The following PRKG1 variants were observed in gnomAD, a reference collection of about 807,000 sequenced individuals.
PRKG1 encodes the protein cGMP-dependent protein kinase 1.
A neutral mutation model predicts 88.1 loss-of-function variants in PRKG1; 35 were observed. That is an observed-to-expected ratio of 0.40 (90% CI 0.30 to 0.53). The LOEUF is 0.53. PRKG1 is among the 20% of genes least tolerant of loss of function. PRKG1 has a pLI of 0.59. For missense variants in PRKG1, 540 were observed against 839.8 expected, an observed-to-expected ratio of 0.64 and a Z score of 4.41; for synonymous variants, 303 against 292.5, an observed-to-expected ratio of 1.04 and a Z score of -0.37.
At chr10:51,048,424 T>A (rs1286566206) in intron 1 of PRKG1, among the ~76,000 whole-genome samples, 4 of 152,168 alleles carry the variant, frequency 2.6e-5, no homozygotes, top group Non-Finnish European at 5.9e-5. Flanking sequence ...ATAACAATAA[T>A]AAAGTAACCC....
At chr10:51,179,167 AAATACTAAG>A (rs1332670318) in intron 2 of PRKG1, among the ~76,000 whole-genome samples, 5 of 152,218 alleles carry the variant, frequency 3.3e-5, no homozygotes, top group African/African-American at 7.2e-5. Flanking sequence ...ACTCAGTTGT[AAATACTAAG>A]AGGCTACTAT....
chr10:51,196,780 G>A (rs1429551402), intron 2 of PRKG1, among the ~76,000 whole-genome samples: 2 of 152,078 alleles, frequency 1.3e-5, no homozygotes, highest in Admixed American at 6.5e-5. Flanking sequence ...TATATTTTTT[G>A]TACTCTTAAA....
At chr10:51,066,687 A>C (rs367834323) in intron 1 of PRKG1, among the ~76,000 whole-genome samples, 1 of 152,132 alleles carries the variant, frequency 6.6e-6, no homozygotes. Flanking sequence ...TACAGTATGT[A>C]ATATTTTATG....
intron 5 of PRKG1, among the ~76,000 whole-genome samples, chr10:51,943,017 G>T (rs575215754): frequency 6.6e-6 from 1 of 152,060 alleles, no homozygotes; most frequent in South Asian, 2.1e-4. Flanking sequence ...GATGGGGATG[G>T]CATTGAATCT....
At chr10:52,255,744 A>G (rs2132407883) in intron 10 of PRKG1, among the ~76,000 whole-genome samples, 1 of 152,164 alleles carries the variant, frequency 6.6e-6, no homozygotes, top group Non-Finnish European at 1.5e-5. Flanking sequence ...CTTGCAGGAG[A>G]TAGCATTTCT....
At position 52,031,592 on chromosome 10, in the gene PRKG1, A is replaced by C. The variant is rs535380010; in HGVS notation, c.763-22892A>C. ...AATATTAGTGTTTTTAAAATAGTGC[A>C]AAACAAGCAGTATTTTAATGTAAAT... On this transcript the variant is annotated intron_variant, in intron 5 of 17. Transcript: ENST00000373980. Among the ~76,000 whole-genome samples, 10 of 152,342 alleles carry C rather than the reference A, an allele frequency of 6.6e-5. No homozygotes were observed. The East Asian group carries it at 1.9e-3, about 29-fold the overall frequency.
At chr10:51,868,090 A>G (rs1488920837) in intron 4 of PRKG1, among the ~76,000 whole-genome samples, 1 of 152,134 alleles carries the variant, frequency 6.6e-6, no homozygotes, top group East Asian at 1.9e-4. Context: ...GAGAATGTCT[A>G]TCAGCTGAAT....
chr10:51,045,386 A>T (rs1163178255), intron 1 of PRKG1, among the ~76,000 whole-genome samples: 1 of 151,910 alleles, frequency 6.6e-6, no homozygotes, highest in Admixed American at 6.6e-5. Context: ...CAGTGGTGCG[A>T]TCTTGGCTCA....
At chr10:51,164,733 G>T (rs902359523) in intron 2 of PRKG1, among the ~76,000 whole-genome samples, 2 of 152,052 alleles carry the variant, frequency 1.3e-5, no homozygotes, top group African/African-American at 4.8e-5. Flanking sequence ...GCCAAGGCTC[G>T]AGAACTATGT....
intron 2 of PRKG1, among the ~76,000 whole-genome samples, chr10:51,346,703 C>G (rs1354072233): frequency 6.6e-6 from 1 of 152,194 alleles, no homozygotes; most frequent in Non-Finnish European, 1.5e-5. Context: ...ACTGACATTT[C>G]CTTCATGAGT....
chr10:52,097,741 TG>T (rs1353934249), intron 7 of PRKG1, among the ~76,000 whole-genome samples: 1 of 141,158 alleles, frequency 7.1e-6, no homozygotes, highest in African/African-American at 2.6e-5. Context: ...TTGCGAATGG[TG>T]TGGTGATTTT....
chr10:51,757,276 G>A (rs1371853495), intron 3 of PRKG1, among the ~76,000 whole-genome samples: 1 of 151,832 alleles, frequency 6.6e-6, no homozygotes, highest in Non-Finnish European at 1.5e-5. Context: ...TAATTTTTTT[G>A]TATTTTTAGT....
At chr10:51,758,600 A>G (rs1369358634) in intron 3 of PRKG1, among the ~76,000 whole-genome samples, 5 of 152,146 alleles carry the variant, frequency 3.3e-5, no homozygotes, top group African/African-American at 1.2e-4. Context: ...TCCAGGTGAC[A>G]TCATCACATA....
chr10:51,391,220 C>G (rs1588907141), intron 2 of PRKG1, among the ~76,000 whole-genome samples: 1 of 152,288 alleles, frequency 6.6e-6, no homozygotes, highest in Middle Eastern at 3.4e-3. Context: ...TAGTTAATTA[C>G]TAGAATGAAT....
chr10:51,332,049 T>C (rs1841754496), intron 2 of PRKG1, among the ~76,000 whole-genome samples: 1 of 152,208 alleles, frequency 6.6e-6, no homozygotes, highest in South Asian at 2.1e-4. Flanking sequence ...TCTTTTGACA[T>C]GAAATCTTAA....
At chr10:51,547,874 C>T (rs1998841) in intron 3 of PRKG1, among the ~76,000 whole-genome samples, 140,890 of 152,160 alleles carry the variant, frequency 0.93, 65,314 homozygotes, top group East Asian at 1. Context: ...TTCCCTATTA[C>T]GACAAAAAGC....
At chr10:52,068,074 G>A (rs1373179872) in intron 7 of PRKG1, among the ~76,000 whole-genome samples, 1 of 139,086 alleles carries the variant, frequency 7.2e-6, no homozygotes, top group African/African-American at 2.5e-5. Flanking sequence ...ATGGTGGCGC[G>A]TGCCTGTAGT....
chr10:52,133,678 A>T (rs1837326238), intron 7 of PRKG1, among the ~76,000 whole-genome samples, 162 bp from the exon 8 acceptor site: 1 of 152,134 alleles, frequency 6.6e-6, no homozygotes, highest in Non-Finnish European at 1.5e-5. Context: ...GGGTAAGATG[A>T]TTCCTCAAAA....
At chr10:51,197,112 A>G (rs538043404) in intron 2 of PRKG1, among the ~76,000 whole-genome samples, 1 of 152,186 alleles carries the variant, frequency 6.6e-6, no homozygotes, top group Admixed American at 6.6e-5. Context: ...TAAGTGACTT[A>G]CCCATTTATA....
Sources: allele counts gnomAD v4.1 joint callset (sites outside exome capture counted in the v4.1 genomes callset), GRCh38; gene constraint gnomAD v4.1.1; transcripts MANE v1.5; gene names NCBI Gene and HGNC (gene_info 2026-07-23, HGNC 2026-07-21).